PATJ: variants seen among roughly 807,000 people sequenced by gnomAD.
The protein encoded by PATJ is PATJ crumbs cell polarity complex component, also known as inaD-like protein.
A neutral mutation model predicts 224.9 loss-of-function variants in PATJ; 190 were observed. That is an observed-to-expected ratio of 0.84 (90% CI 0.75 to 0.95). The LOEUF is 0.95. Among genes scored for constraint, PATJ ranks in the 40% least tolerant of loss-of-function variants. The pLI is 0.00. For synonymous variants in PATJ, 769 were observed against 820.3 expected (o/e 0.94, Z 1.07); for missense variants, 2,121 against 2,270.3 (o/e 0.93, Z 1.34).
intron 24 of PATJ, among the ~76,000 whole-genome samples, chr1:61,907,299 T>G (rs1671989630): frequency 6.6e-6 from 1 of 152,178 alleles, no homozygotes; most frequent in South Asian, 2.1e-4. Context: ...TTGCTCTCAG[T>G]TTAAGGTCCT....
chr1:61,747,048 T>G (rs958145476), intron 1 of PATJ, among the ~76,000 whole-genome samples: 11 of 152,248 alleles, frequency 7.2e-5, no homozygotes, highest in Non-Finnish European at 1.6e-4. Context: ...TGTTAAAGTT[T>G]AACAAGAATA....
At chr1:61,908,762 T>C (rs987270521) in intron 25 of PATJ, among the ~76,000 whole-genome samples, 3 of 152,234 alleles carry the variant, frequency 2.0e-5, no homozygotes, top group African/African-American at 7.2e-5. Context: ...TTTACCAGCT[T>C]TGCTAACTTG....
intron 1 of PATJ, among the ~76,000 whole-genome samples, chr1:61,760,084 A>G (rs961266463): frequency 3.9e-5 from 6 of 152,188 alleles, no homozygotes; most frequent in African/African-American, 1.2e-4. Flanking sequence ...ATGCTGCTAT[A>G]TGAGAGTACA....
At chr1:62,020,257 T>C (rs1194848433) in intron 29 of PATJ, among the ~76,000 whole-genome samples, 1 of 152,180 alleles carries the variant, frequency 6.6e-6, no homozygotes, top group Non-Finnish European at 1.5e-5. Context: ...ATTTGTACCA[T>C]TGCAAATGGT....
At chr1:62,054,399 G>A in intron 31 of PATJ, 1 of 420,652 alleles carries the variant, frequency 2.4e-6, no homozygotes, top group Non-Finnish European at 4.7e-6. Context: ...CTGAGGCTAA[G>A]CCGTGGCCTA....
intron 31 of PATJ, among the ~76,000 whole-genome samples, chr1:62,053,118 C>T (rs1653930815): frequency 6.6e-6 from 1 of 152,196 alleles, no homozygotes; most frequent in South Asian, 2.1e-4. Context: ...TAAGCAACAC[C>T]AGTGACAGGG....
At chr1:62,014,562 C>CTTTTTTTTT (rs35711547) in intron 28 of PATJ, among the ~76,000 whole-genome samples, 4 of 84,536 alleles carry the variant, frequency 4.7e-5, no homozygotes, top group Non-Finnish European at 6.6e-5. Flanking sequence ...CTTTTCTTTC[C>CTTTTTTTTT]TTTTTTTTTT....
intron 20 of PATJ, among the ~76,000 whole-genome samples, chr1:61,872,535 C>T (rs970844323): frequency 6.6e-6 from 1 of 152,204 alleles, no homozygotes; most frequent in African/African-American, 2.4e-5. Context: ...CATCTGGTTA[C>T]CAGGCTGCTT....
intron 31 of PATJ, among the ~76,000 whole-genome samples, chr1:62,068,397 C>A (rs1420541646): frequency 1.3e-5 from 2 of 152,204 alleles, no homozygotes; most frequent in African/African-American, 4.8e-5. Flanking sequence ...GTGGTTGGAA[C>A]CAGAGGCCTG....
chr1:61,828,134 T>G (rs1299411), intron 16 of PATJ, among the ~76,000 whole-genome samples: 1 of 151,636 alleles, frequency 6.6e-6, no homozygotes, highest in Non-Finnish European at 1.5e-5. Flanking sequence ...TCCCAGCAAC[T>G]TGGGAGGCTG....
rs536997890 is a variant in PATJ, at chr1:62,006,764, G to A, written c.3868-11092G>A. On this transcript the variant is annotated intron_variant, in intron 28 of 43. Transcript: ENST00000642238. Reference sequence around the variant, plus strand: ...AAAAGTCAAAACACAATGAAAATCCGTTATAATATAGCTTAGAAGCTTTGC... The same window carrying A: ...AAAAGTCAAAACACAATGAAAATCCATTATAATATAGCTTAGAAGCTTTGC... Among the ~76,000 whole-genome samples, 19 of 152,282 alleles carry A rather than the reference G, an allele frequency of 1.2e-4. 1 individual carries two copies. The highest frequency in any genetic ancestry group is 8.3e-4 in the South Asian group (4 of 4,830).
intron 27 of PATJ, among the ~76,000 whole-genome samples, chr1:61,978,212 CCTTCCTTCCTT>C (rs1644249020): frequency 7.1e-6 from 1 of 140,126 alleles, no homozygotes; most frequent in Non-Finnish European, 1.6e-5. Context: ...TTCCTTCCTT[CCTTCCTTCCTT>C]CCTCCCTCCC....
At chr1:62,061,381 C>T (rs571528199) in intron 31 of PATJ, among the ~76,000 whole-genome samples, 1 of 151,796 alleles carries the variant, frequency 6.6e-6, no homozygotes, top group Admixed American at 6.6e-5. Context: ...GGGGTTTTGC[C>T]ATGTTGGCCA....
At chr1:61,742,858 C>T (rs946969297) in intron 1 of PATJ, among the ~76,000 whole-genome samples, 2 of 151,368 alleles carry the variant, frequency 1.3e-5, no homozygotes, top group African/African-American at 4.8e-5. Context: ...CCCGCCCCGC[C>T]GCGCAGGGCT....
At chr1:61,884,162 C>A in intron 21 of PATJ, 75 bp from the exon 22 acceptor site, 2 of 1,125,780 alleles carry the variant, frequency 1.8e-6, no homozygotes, top group Non-Finnish European at 2.5e-6. Context: ...TAGTAGGTGC[C>A]CATACCTAGT....
rs1668827339 is a variant in PATJ, at chr1:62,153,373, GATT to G, written c.5399_5401del (p.Ile1800del). ...GTGTTTTCAGAACACCTCCACCTAAGATTATTACTTTGGAGAAAGGCTCTGAAG... is the reference window on the plus strand; with the variant it reads ...GTGTTTTCAGAACACCTCCACCTAAGATTACTTTGGAGAAAGGCTCTGAAG... On this transcript the variant is annotated inframe_deletion, in exon 43 of 44. Transcript: ENST00000642238. 26 of 1,231,636 alleles carry G rather than the reference GATT, an allele frequency of 2.1e-5. No individual in the cohort carries two copies. Among genetic ancestry groups the G allele is most frequent in the Non-Finnish European group, 2.6e-5 (26 of 987,580 alleles). 76.3% of individuals were successfully genotyped at this position (1,231,636 alleles called of 1,614,324 possible). A position where few individuals can be genotyped will look rare whatever the true frequency, so the allele number is the denominator to read the frequency against.
chr1:62,113,956 A>G (rs930946852), intron 34 of PATJ, 97 bp from the exon 35 acceptor site: 12 of 1,222,948 alleles, frequency 9.8e-6, no homozygotes, highest in Admixed American at 5.2e-5. Flanking sequence ...GGAAATTTCT[A>G]GAGATTCTTT....
At chr1:61,869,010 G>A (rs1177149187) in intron 20 of PATJ, among the ~76,000 whole-genome samples, 1 of 152,122 alleles carries the variant, frequency 6.6e-6, no homozygotes. Context: ...ATGGGGAAAG[G>A]GAGGGCAGAA....
intron 31 of PATJ, among the ~76,000 whole-genome samples, chr1:62,057,115 A>G (rs115715692): frequency 0.012 from 1,895 of 152,322 alleles, 11 homozygotes; most frequent in Admixed American, 0.022. Context: ...GGCGTGAGCC[A>G]CTGTGCTGGG....
Sources: gnomAD v4.1 joint callset for allele counts (sites outside exome capture counted in the v4.1 genomes callset) on GRCh38, gnomAD v4.1.1 for gene constraint, MANE v1.5 for transcripts, NCBI Gene and HGNC (gene_info 2026-07-23, HGNC 2026-07-21) for gene names.